The following DLGAP5 variants were observed in gnomAD, a reference collection of about 807,000 sequenced individuals.
DLGAP5 encodes the protein disks large-associated protein 5.
In DLGAP5, 90 loss-of-function variants were observed where a neutral mutation model predicts 99.6. The observed-to-expected ratio is 0.90, with a 90% CI of 0.76 to 1.08. The LOEUF (loss-of-function observed/expected upper bound fraction) is 1.08. Ranked by LOEUF, DLGAP5 falls within the 50% of genes least tolerant of loss-of-function variation. DLGAP5 has a pLI of 0.00. For missense variants in DLGAP5, 1,036 were observed against 983.5 expected, an observed-to-expected ratio of 1.05 and a Z score of -0.71; for synonymous variants, 311 against 321.3, an observed-to-expected ratio of 0.97 and a Z score of 0.34.
At chr14:55,171,204 GC>G (rs1174485794) in intron 10 of DLGAP5, among the ~76,000 whole-genome samples, 2 of 152,148 alleles carry the variant, frequency 1.3e-5, no homozygotes, top group African/African-American at 4.8e-5. Flanking sequence ...TAGTGATGGG[GC>G]CTCACAGATC....
At chr14:55,163,159 A>C (rs1882508279) in intron 12 of DLGAP5, 84 bp from the exon 13 acceptor site, 2 of 683,992 alleles carry the variant, frequency 2.9e-6, no homozygotes, top group Non-Finnish European at 4.5e-6. Flanking sequence ...AAAAAAAATT[A>C]AAAATAGTGA....
chr14:55,166,557 C>G (rs934627745), intron 12 of DLGAP5, among the ~76,000 whole-genome samples: 5 of 151,822 alleles, frequency 3.3e-5, no homozygotes, highest in African/African-American at 1.2e-4. Context: ...TGGTGAAACC[C>G]CGTCTCTACT....
intron 12 of DLGAP5, among the ~76,000 whole-genome samples, chr14:55,163,497 C>T (rs1882518027): frequency 1.3e-5 from 2 of 152,130 alleles, no homozygotes; most frequent in Admixed American, 1.3e-4. Flanking sequence ...CTAAAAACAT[C>T]CGTGTGCAGG....
At chr14:55,180,906 C>A (rs569978311) in intron 5 of DLGAP5, 128 bp from the exon 6 acceptor site, 3 of 1,229,690 alleles carry the variant, frequency 2.4e-6, no homozygotes, top group Non-Finnish European at 3.4e-6. Flanking sequence ...TACTTCAGCC[C>A]AGGAGTTCGA....
At chr14:55,154,367 A>G (rs768851745) in intron 15 of DLGAP5, among the ~76,000 whole-genome samples, 7 of 152,200 alleles carry the variant, frequency 4.6e-5, no homozygotes, top group Non-Finnish European at 5.9e-5. Flanking sequence ...GTTTAGCACC[A>G]AAGGATACCA....
chr14:55,187,592 C>T (rs1411635337), intron 2 of DLGAP5, among the ~76,000 whole-genome samples: 2 of 151,518 alleles, frequency 1.3e-5, no homozygotes, highest in Admixed American at 1.3e-4. Flanking sequence ...GCTGGGATTA[C>T]AGGCATGAGC....
At chr14:55,165,530 CAAAA>C in intron 12 of DLGAP5, among the ~76,000 whole-genome samples, 1 of 144,328 alleles carries the variant, frequency 6.9e-6, no homozygotes, top group Admixed American at 6.9e-5. Context: ...ACTTAAAAAA[CAAAA>C]AAAAAAACCC....
chr14:55,153,005 T>C (rs1278863531), intron 15 of DLGAP5, among the ~76,000 whole-genome samples: 2 of 152,224 alleles, frequency 1.3e-5, no homozygotes, highest in Admixed American at 6.5e-5. Context: ...ATTCAATTAT[T>C]GTCTAGCTGG....
At chr14:55,173,817 C>T (rs966183094) in intron 10 of DLGAP5, among the ~76,000 whole-genome samples, 4 of 151,802 alleles carry the variant, frequency 2.6e-5, no homozygotes, top group African/African-American at 9.7e-5. Context: ...CCAGTCAATA[C>T]CCTTGTGATT....
At chr14:55,174,676 G>A (rs1270870414) in intron 10 of DLGAP5, among the ~76,000 whole-genome samples, 3 of 150,650 alleles carry the variant, frequency 2.0e-5, no homozygotes, top group Non-Finnish European at 3.0e-5. Flanking sequence ...CAGATTCCCC[G>A]ATATATATAT....
At position 55,177,163 on chromosome 14, in the gene DLGAP5, T is replaced by G; in HGVS notation, c.948A>C (p.Pro316=). ...SFAPKDFMFQ[P]LDGLKTYQVT... The stretch of plus-strand genomic sequence containing the variant: ...CTTGATAGGTCTTCAGACCATCCAG[T>G]GGCTGAAACATAAAATCCTTAGGTG... The change falls in exon 8 of 19, where the codon CCA becomes CCC. Residue 316 remains proline, a synonymous_variant. Transcript: ENST00000247191. The G allele has an allele frequency of 1.9e-6, 3 of 1,612,048 alleles. No individual in the cohort carries two copies. Among genetic ancestry groups the G allele is most frequent in the Middle Eastern group, 1.7e-4 (1 of 6,058 alleles).
At position 55,183,737 on chromosome 14, in the gene DLGAP5, A is replaced by C. The variant is rs758021686; in HGVS notation, c.255T>G (p.Ile85Met). The C allele has an allele frequency of 6.3e-7, 1 of 1,595,052 alleles. No homozygotes were observed. Among genetic ancestry groups the C allele is most frequent in the South Asian group, 1.1e-5 (1 of 87,548 alleles). ...TNVKPRAMKT[I>M]LGDQRKQMLQ... is the part of the protein sequence containing the mutation. The stretch of plus-strand genomic sequence containing the variant: ...GCATCTGTTTTCGTTGATCACCTAG[A>C]ATAGTTTTCATTGCCCCTAGGCAGA... Residue 85 changes from isoleucine to methionine, a missense_variant, in exon 3 of 19, where the codon ATT (isoleucine) becomes ATG (methionine). By Grantham distance (10) the Ile-to-Met change is conservative. Transcript: ENST00000247191.
chr14:55,191,343 G>C (rs917429889), intron 1 of DLGAP5, 120 bp downstream of exon 1: 2 of 152,546 alleles, frequency 1.3e-5, no homozygotes, highest in African/African-American at 4.8e-5. Context: ...CAGGTAACAC[G>C]GTCCTAAAGG....
At chr14:55,190,638 AGAT>A (rs1359927238) in intron 1 of DLGAP5, among the ~76,000 whole-genome samples, 3 of 152,258 alleles carry the variant, frequency 2.0e-5, no homozygotes, top group Non-Finnish European at 4.4e-5. Context: ...AGAAAACTCC[AGAT>A]AATAGAAAAA....
intron 7 of DLGAP5, among the ~76,000 whole-genome samples, chr14:55,177,749 G>T (rs1257117482): frequency 6.6e-6 from 1 of 151,398 alleles, no homozygotes. Flanking sequence ...GTGTTAGCCA[G>T]GATGGTCTCA....
At chr14:55,183,380 A>G (rs1399978102) in intron 3 of DLGAP5, among the ~76,000 whole-genome samples, 180 bp downstream of exon 3, 2 of 152,114 alleles carry the variant, frequency 1.3e-5, no homozygotes, top group East Asian at 1.9e-4. Context: ...TCCTATCTCA[A>G]CTTACCTACA....
chr14:55,154,498 C>T, intron 15 of DLGAP5, 119 bp downstream of exon 15: 1 of 805,810 alleles, frequency 1.2e-6, no homozygotes, highest in Non-Finnish European at 2.0e-6. Flanking sequence ...CTATATGTTG[C>T]AGGGTCATTA....
chr14:55,158,609 C>G lies in DLGAP5; in HGVS notation c.1786G>C (p.Ala596Pro). The G allele has an allele frequency of 1.2e-6, 2 of 1,614,134 alleles. No individual in the cohort carries two copies. The highest frequency in any genetic ancestry group is 1.7e-6 in the Non-Finnish European group (2 of 1,180,000). Residue 596 changes from alanine (A) to proline (P), a missense_variant, in exon 14 of 19, where the codon GCA becomes CCA. Physicochemically the swap from Ala to Pro is conservative, Grantham distance 27. Transcript: ENST00000247191. The part of the protein sequence containing the change: ...RIRQEECAET[A>P]VSVIPKEVDK... ...ACTTCCTTTGGTATCACAGAAACTG[C>G]TGTTTCAGCACATTCTTCCTGCCTA...
At chr14:55,150,698 C>T (rs1010704494) in intron 18 of DLGAP5, 101 bp downstream of exon 18, 7 of 903,290 alleles carry the variant, frequency 7.7e-6, no homozygotes, top group Non-Finnish European at 1.1e-5. Context: ...AAAACAATGA[C>T]AAGATATACA....
Sources: allele counts gnomAD v4.1 joint callset (sites outside exome capture counted in the v4.1 genomes callset), GRCh38; gene constraint gnomAD v4.1.1; transcripts MANE v1.5; gene names NCBI Gene and HGNC (gene_info 2026-07-23, HGNC 2026-07-21).